VAT1L: variants seen among roughly 807,000 people sequenced by gnomAD.
VAT1L encodes the protein vesicle amine transport 1 like.
A neutral mutation model predicts 44.1 loss-of-function variants in VAT1L; 34 were observed. That is an observed-to-expected ratio of 0.77 (90% CI 0.59 to 1.03). The LOEUF (loss-of-function observed/expected upper bound fraction) is 1.03. VAT1L is among the 50% of genes least tolerant of loss of function. The pLI, the probability that VAT1L is intolerant of heterozygous loss-of-function variation, is 0.00. For missense variants in VAT1L, 615 were observed against 538.8 expected (o/e 1.14, Z -1.40); for synonymous variants, 253 against 202.2 (o/e 1.25, Z -2.13).
intron 2 of VAT1L, among the ~76,000 whole-genome samples, chr16:77,818,001 G>C (rs1292676595): frequency 6.6e-6 from 1 of 152,126 alleles, no homozygotes; most frequent in Non-Finnish European, 1.5e-5. Context: ...TTGCAGATGA[G>C]GTTCGGGAGG....
intron 7 of VAT1L, among the ~76,000 whole-genome samples, chr16:77,888,575 C>T (rs988935531): frequency 6.6e-6 from 1 of 152,158 alleles, no homozygotes; most frequent in Non-Finnish European, 1.5e-5. Context: ...AAATAAAAGA[C>T]AGGGTTTCTC....
At chr16:77,853,220 G>T (rs1293569539) in intron 3 of VAT1L, among the ~76,000 whole-genome samples, 1 of 152,158 alleles carries the variant, frequency 6.6e-6, no homozygotes, top group South Asian at 2.1e-4. Context: ...GGGGATGGGG[G>T]CTTATTTTCT....
chr16:77,829,333 G>C (rs1004244700), intron 3 of VAT1L, among the ~76,000 whole-genome samples: 21 of 152,208 alleles, frequency 1.4e-4, no homozygotes, highest in African/African-American at 4.8e-4. Flanking sequence ...CCTAAATAGG[G>C]TTATGTAAAG....
chr16:77,886,708 A>G (rs1200606087), intron 7 of VAT1L, among the ~76,000 whole-genome samples: 1 of 152,214 alleles, frequency 6.6e-6, no homozygotes, highest in African/African-American at 2.4e-5. Context: ...AGTAAACAAT[A>G]ATAAGCAAGG....
At chr16:77,947,867 C>G (rs1357546828) in intron 7 of VAT1L, among the ~76,000 whole-genome samples, 1 of 152,190 alleles carries the variant, frequency 6.6e-6, no homozygotes, top group African/African-American at 2.4e-5. Flanking sequence ...TCTAGCGATT[C>G]TCCTGCCTCA....
intron 1 of VAT1L, among the ~76,000 whole-genome samples, chr16:77,797,738 G>T (rs529964938): frequency 6.6e-6 from 1 of 152,162 alleles, no homozygotes; most frequent in Non-Finnish European, 1.5e-5. Flanking sequence ...TGACCTCCAA[G>T]CTCCTGGGAC....
Position 77,977,930 on chromosome 16 carries a change from A to C in VAT1L, c.*235A>C, listed in dbSNP as rs1477680856. 7 of 463,568 alleles carry C rather than the reference A, an allele frequency of 1.5e-5. No individual in the cohort carries two copies. Among genetic ancestry groups the C allele is most frequent in the Non-Finnish European group, 2.4e-5 (6 of 252,774 alleles). 28.7% of individuals were successfully genotyped at this position (463,568 alleles called of 1,614,324 possible). ...TATTACACATTCCCCTCTCCCCTGT[A>C]TCAAAACCATCCATCTGTGGGTTCT... On this transcript the variant is annotated 3_prime_UTR_variant, in exon 9 of 9. Transcript: ENST00000302536.
At chr16:77,897,417 A>G (rs577061317) in intron 7 of VAT1L, among the ~76,000 whole-genome samples, 64 of 152,342 alleles carry the variant, frequency 4.2e-4, no homozygotes, top group African/African-American at 1.5e-3. Flanking sequence ...TATAATGTGC[A>G]GAAGCAGGTC....
chr16:77,967,927 T>C (rs916474661), intron 7 of VAT1L, among the ~76,000 whole-genome samples: 3 of 152,280 alleles, frequency 2.0e-5, no homozygotes, highest in East Asian at 1.9e-4. Context: ...AGCTTTAGTT[T>C]TGAAGTCTGG....
intron 1 of VAT1L, among the ~76,000 whole-genome samples, chr16:77,799,759 T>C (rs1301588139): frequency 6.6e-6 from 1 of 152,178 alleles, no homozygotes; most frequent in East Asian, 1.9e-4. Context: ...CCTGTGATTG[T>C]ACCTTTCTTA....
chr16:77,876,480 G>A lies in VAT1L; in HGVS notation c.826+7G>A. On this transcript the variant is annotated splice_region_variant and intron_variant, in intron 5 of 8. Transcript: ENST00000302536. Reference sequence around the variant, plus strand: ...GGAACCTACATTTTATATGGTGAGTGCAAAACAGCAGCAGGGACGTGGTCA... The same window carrying A: ...GGAACCTACATTTTATATGGTGAGTACAAAACAGCAGCAGGGACGTGGTCA... The A allele has an allele frequency of 1.2e-6, 2 of 1,613,096 alleles. No individual in the cohort carries two copies. The highest frequency in any genetic ancestry group is 1.7e-5 in the Admixed American group (1 of 60,028).
intron 7 of VAT1L, among the ~76,000 whole-genome samples, chr16:77,917,803 C>A (rs769464248): frequency 4.1e-4 from 62 of 152,162 alleles, no homozygotes; most frequent in African/African-American, 1.5e-3. Context: ...TGTATGATTT[C>A]TTCTGCCTTT....
intron 7 of VAT1L, among the ~76,000 whole-genome samples, chr16:77,924,017 G>A (rs2017640146): frequency 6.6e-6 from 1 of 150,956 alleles, no homozygotes; most frequent in African/African-American, 2.4e-5. Context: ...AGACACACAA[G>A]AAGTTGCATC....
At chr16:77,908,437 C>A (rs1235235079) in intron 7 of VAT1L, among the ~76,000 whole-genome samples, 1 of 108,294 alleles carries the variant, frequency 9.2e-6, no homozygotes, top group African/African-American at 3.6e-5. Flanking sequence ...GCCCTCCAGG[C>A]TGGGGGACAA....
intron 1 of VAT1L, among the ~76,000 whole-genome samples, chr16:77,792,838 CA>C (rs1264249484): frequency 6.6e-6 from 1 of 152,298 alleles, no homozygotes; most frequent in East Asian, 1.9e-4. Context: ...TTTATAATAG[CA>C]TCCCCCTTCA....
At chr16:77,972,937 C>T (rs4887927) in intron 8 of VAT1L, among the ~76,000 whole-genome samples, 111,362 of 151,820 alleles carry the variant, frequency 0.73, 42,951 homozygotes, top group East Asian at 0.9. Context: ...CTGCCTACCT[C>T]GGCCTCCCAG....
rs1389977731 is a variant in VAT1L at position 77,862,739 on chromosome 16, T to C, written c.580-9T>C. The C allele has an allele frequency of 6.2e-7, 1 of 1,612,828 alleles. No individual in the cohort carries two copies. Among genetic ancestry groups the C allele is most frequent in the East Asian group, 2.2e-5 (1 of 44,854 alleles). ...TATGTGTGACATAGCTATTGTCTTT[T>C]CCTTCCAGGGTCAAGCTGTGGCTCA... On this transcript the variant is annotated splice_polypyrimidine_tract_variant and intron_variant, in intron 3 of 8. Transcript: ENST00000302536.
At position 77,815,898 on chromosome 16, in the gene VAT1L, G is replaced by A. The variant is rs1210628973; in HGVS notation, c.234-1023G>A. ...CAGGAGAATCGCTTGAACCCGGGAGGTGGAGGTTGCAGTGAGCTGAGATCT... is the reference window on the plus strand; with the variant it reads ...CAGGAGAATCGCTTGAACCCGGGAGATGGAGGTTGCAGTGAGCTGAGATCT... On this transcript the variant is annotated intron_variant, in intron 1 of 8. Transcript: ENST00000302536. Among the ~76,000 whole-genome samples the A allele has an allele frequency of 3.3e-5, 5 of 151,156 alleles. 1 individual carries two copies. The Admixed American group carries it at 3.3e-4, about 10-fold the overall frequency.
intron 7 of VAT1L, among the ~76,000 whole-genome samples, chr16:77,970,745 A>G (rs2018270208): frequency 6.6e-6 from 1 of 152,226 alleles, no homozygotes; most frequent in African/African-American, 2.4e-5. Context: ...CAGAAAAGCA[A>G]TTAGAATACA....
Sources: allele counts gnomAD v4.1 joint callset (sites outside exome capture counted in the v4.1 genomes callset), GRCh38; gene constraint gnomAD v4.1.1; transcripts MANE v1.5; gene names NCBI Gene and HGNC (gene_info 2026-07-23, HGNC 2026-07-21).